The following SHROOM1 variants were observed in gnomAD, a reference collection of about 807,000 sequenced individuals.
SHROOM1 encodes protein Shroom1.
Under a neutral mutation model 64.2 loss-of-function variants are expected in SHROOM1, and 53 were observed. The observed-to-expected ratio is 0.83, with a 90% CI of 0.66 to 1.04. SHROOM1 has a LOEUF of 1.04. Among genes scored for constraint, SHROOM1 ranks in the 50% least tolerant of loss-of-function variants. The pLI, the probability that SHROOM1 is intolerant of heterozygous loss-of-function variation, is 0.00. For missense variants in SHROOM1, 1,179 were observed against 1,163.2 expected (o/e 1.01, Z -0.20); for synonymous variants, 490 against 518.9 (o/e 0.94, Z 0.76).
rs545369291 is a variant in SHROOM1 at position 132,826,470 on chromosome 5, C to A, written c.-236G>T. ...AGGCTCCCCTTGCCCACACAAGCAG[C>A]CTTTACCCTGAGACCTCCTGGAACG... On this transcript the variant is annotated 5_prime_UTR_variant, in exon 3 of 10. Coordinates refer to ENST00000378679, the MANE Select transcript of SHROOM1 (RefSeq NM_001172700.2). The A allele has an allele frequency of 6.2e-6, 2 of 323,992 alleles. No individual in the cohort carries two copies. The highest frequency in any genetic ancestry group is 3.0e-4 in the South Asian group (2 of 6,574). The allele number at this position is 323,992 out of a possible 1,614,324, so 20.1% of individuals were successfully genotyped here. A position where few individuals can be genotyped will look rare whatever the true frequency, so the allele number is the denominator to read the frequency against.
At chr5:132,828,249 T>C (rs1758762372) in intron 1 of SHROOM1, among the ~76,000 whole-genome samples, 2 of 152,096 alleles carry the variant, frequency 1.3e-5, no homozygotes, top group African/African-American at 2.4e-5. Flanking sequence ...GATATGGTGT[T>C]TCCTAAAAGG....
Position 132,823,774 on chromosome 5 carries a change from A to C in SHROOM1, c.1812-10T>G. ...GCTGAACTGATAGGACCTGGGAACA[A>C]AACCAGAGCTCCCTGGGTTTCCTGT... On this transcript the variant is annotated splice_polypyrimidine_tract_variant and intron_variant, in intron 7 of 9. Coordinates refer to ENST00000378679, the MANE Select transcript of SHROOM1 (RefSeq NM_001172700.2). This position sits in a 1 kb window ranked among gnomAD's most constrained non-coding sequence, Gnocchi z 4.6. 6.4e-7 allele frequency: 1 copy of C among 1,551,162 alleles called. No homozygotes were observed. The highest frequency in any genetic ancestry group is 1.4e-5 in the African/African-American group (1 of 72,710).
At chr5:132,824,868 C>T (rs769938291) in intron 5 of SHROOM1, 47 bp from the exon 6 acceptor site, 2 of 1,609,564 alleles carry the variant, frequency 1.2e-6, no homozygotes, top group African/African-American at 1.3e-5. Flanking sequence ...GAAGGAAGCT[C>T]TTGGTGTTGC....
chr5:132,830,308 A>T lies in SHROOM1; in HGVS notation c.-501+286T>A. 1.0e-6 allele frequency: 1 copy of T among 984,774 alleles called. No individual in the cohort carries two copies. Among genetic ancestry groups the T allele is most frequent in the Non-Finnish European group, 1.2e-6 (1 of 829,682 alleles). 61.0% of individuals were successfully genotyped at this position (984,774 alleles called of 1,614,324 possible). Reference sequence around the variant, plus strand: ...AGACCGCGCTGCCCGCCGGCGCCACACGCGGCGCGCCCAGCCGCGCCCCTG... The same window carrying T: ...AGACCGCGCTGCCCGCCGGCGCCACTCGCGGCGCGCCCAGCCGCGCCCCTG... On this transcript the variant is annotated intron_variant, in intron 1 of 9. Coordinates refer to ENST00000378679, the MANE Select transcript of SHROOM1 (RefSeq NM_001172700.2). This position sits in a 1 kb window ranked among gnomAD's most constrained non-coding sequence, Gnocchi z 5.9.
At chr5:132,828,103 G>T (rs1488962847) in intron 1 of SHROOM1, among the ~76,000 whole-genome samples, 2 of 152,076 alleles carry the variant, frequency 1.3e-5, no homozygotes, top group African/African-American at 4.8e-5. Flanking sequence ...CACGGCTAGG[G>T]TGAGGACCAA....
Position 132,824,207 on chromosome 5 carries a change from G to C in SHROOM1, c.1454C>G (p.Thr485Ser). 1 of 1,614,240 alleles carries C rather than the reference G, an allele frequency of 6.2e-7. No individual in the cohort carries two copies. Among genetic ancestry groups the C allele is most frequent in the Non-Finnish European group, 8.5e-7 (1 of 1,180,038 alleles). Reference protein sequence around the residue: ...ANDNIPTIDPTGLTTNPPTAA... With the variant: ...ANDNIPTIDPSGLTTNPPTAA... ...TGTGGGGGGATTGGTGGTCAGTCCA[G>C]TGGGGTCAATAGTTGGGATGTTATC... Residue 485 changes from threonine to serine, a missense_variant, in exon 7 of 10, where the codon ACT becomes AGT. Physicochemically the swap from Thr to Ser is moderately conservative, Grantham distance 58 (BLOSUM62 1). Transcript: ENST00000378679.
chr5:132,829,610 A>T (rs905121403), intron 1 of SHROOM1: 43 of 985,290 alleles, frequency 4.4e-5, no homozygotes, highest in Non-Finnish European at 2.2e-5. Flanking sequence ...ACCTCCCTCA[A>T]GGCCACCTCA....
chr5:132,825,490 C>G lies in SHROOM1; in HGVS notation c.651G>C (p.Gln217His). 6.6e-7 allele frequency: 1 copy of G among 1,518,082 alleles called. No individual in the cohort carries two copies. The highest frequency in any genetic ancestry group is 8.8e-7 in the Non-Finnish European group (1 of 1,138,266). The allele number at this position is 1,518,082 out of a possible 1,614,324, so 94.0% of individuals were successfully genotyped here. A position where few individuals can be genotyped will look rare whatever the true frequency, so the allele number is the denominator to read the frequency against. The change falls in exon 4 of 10, where the codon CAG (glutamine) becomes CAC (histidine). Residue 217 changes from glutamine (Q) to histidine (H), a missense_variant. Coordinates refer to ENST00000378679, the MANE Select transcript of SHROOM1 (RefSeq NM_001172700.2). The surrounding 1 kb of genome is among the most constrained non-coding windows in gnomAD (Gnocchi z 5.1). ...GCTCTGAGAAGCACCACTTCCGCTGCTGGTTGGCGAGGGGACCCCGGCCGG... is the reference window on the plus strand; with the variant it reads ...GCTCTGAGAAGCACCACTTCCGCTGGTGGTTGGCGAGGGGACCCCGGCCGG... Reference protein sequence around the residue: ...GTAGRGPLANQQRKWCFSEPG... With the variant: ...GTAGRGPLANHQRKWCFSEPG...
chr5:132,830,561 C>T lies in SHROOM1; in HGVS notation c.-501+33G>A. The T allele has an allele frequency of 1.0e-6, 1 of 985,440 alleles. No homozygotes were observed. The highest frequency in any genetic ancestry group is 1.2e-6 in the Non-Finnish European group (1 of 829,694). 61.0% of individuals were successfully genotyped at this position (985,440 alleles called of 1,614,324 possible). A position where few individuals can be genotyped will look rare whatever the true frequency, so the allele number is the denominator to read the frequency against. ...CTCCCGGGGGAAGCGGACCCAGCCGCCCGCTTCCCGCTCCCCCGCCCCCGC... is the reference window on the plus strand; with the variant it reads ...CTCCCGGGGGAAGCGGACCCAGCCGTCCGCTTCCCGCTCCCCCGCCCCCGC... On this transcript the variant is annotated intron_variant, in intron 1 of 9. Transcript: ENST00000378679. The surrounding 1 kb of genome is among the most constrained non-coding windows in gnomAD (Gnocchi z 5.9).
At chr5:132,829,175 T>C (rs995962584) in intron 1 of SHROOM1, among the ~76,000 whole-genome samples, 1 of 152,138 alleles carries the variant, frequency 6.6e-6, no homozygotes, top group African/African-American at 2.4e-5. Flanking sequence ...ATTGGAGTCC[T>C]GGGAGGGGGA....
In SHROOM1 at chr5:132,823,675, T is replaced by C. The variant is rs145239249; in HGVS notation, c.1901A>G (p.Gln634Arg). ...TGCAGGGAGCCCCTGCCCACATGGC[T>C]GGTCAAGCACAGGGTGGGTGGCAGG... ...ENPATHPVLD[Q>R]PCGQGLPAPN... The change falls in exon 8 of 10, where the codon CAG (glutamine) becomes CGG (arginine). Residue 634 changes from glutamine (Q) to arginine (R), a missense_variant. Gln to Arg is a conservative substitution (Grantham distance 43). Coordinates refer to ENST00000378679, the MANE Select transcript of SHROOM1 (RefSeq NM_001172700.2). This position sits in a 1 kb window ranked among gnomAD's most constrained non-coding sequence, Gnocchi z 4.6. 1.1e-5 allele frequency: 18 copies of C among 1,611,340 alleles called. No homozygotes were observed. The highest frequency in any genetic ancestry group is 1.6e-4 in the Middle Eastern group (1 of 6,074).
At position 132,823,009 on chromosome 5, in the gene SHROOM1, C is replaced by T; in HGVS notation, c.2346G>A (p.Pro782=). ...AVREVLVRAL[P]VEELRVYCAL... is the part of the protein sequence containing the mutation. Reference sequence around the variant, plus strand: ...CGCAATAGACGCGCAGCTCCTCCACCGGTAGTGCTCGCACCAGCACCTCCC... The same window carrying T: ...CGCAATAGACGCGCAGCTCCTCCACTGGTAGTGCTCGCACCAGCACCTCCC... The change falls in exon 10 of 10, where the codon CCG becomes CCA. Residue 782 remains proline, a synonymous_variant. Transcript: ENST00000378679. The surrounding 1 kb of genome is among the most constrained non-coding windows in gnomAD (Gnocchi z 4.6). 1.2e-6 allele frequency: 2 copies of T among 1,604,076 alleles called. No homozygotes were observed. The highest frequency in any genetic ancestry group is 1.3e-5 in the African/African-American group (1 of 75,040).
At position 132,825,641 on chromosome 5, in the gene SHROOM1, A is replaced by G. The variant is rs867161855; in HGVS notation, c.500T>C (p.Leu167Pro). 2 of 1,346,442 alleles carry G rather than the reference A, an allele frequency of 1.5e-6. No homozygotes were observed. Among genetic ancestry groups the G allele is most frequent in the South Asian group, 1.9e-5 (1 of 52,490 alleles). 83.4% of individuals were successfully genotyped at this position (1,346,442 alleles called of 1,614,324 possible). A position where few individuals can be genotyped will look rare whatever the true frequency, so the allele number is the denominator to read the frequency against. The change falls in exon 4 of 10, where the codon CTG (leucine) becomes CCG (proline). Residue 167 changes from leucine (L) to proline (P), a missense_variant. By Grantham distance (98) the Leu-to-Pro change is moderately conservative. Coordinates refer to ENST00000378679, the MANE Select transcript of SHROOM1 (RefSeq NM_001172700.2). This position sits in a 1 kb window ranked among gnomAD's most constrained non-coding sequence, Gnocchi z 5.1. ...GACAGTGGGCCGCAGACGGGCGGGC[A>G]GGCTCATGCGGAGCTCCTTGCGCTG... The part of the protein sequence containing the change: ...SFQRKELRMS[L>P]PARLRPTVPA...
Position 132,824,009 on chromosome 5 carries a change from C to A in SHROOM1, c.1652G>T (p.Arg551Ile). Residue 551 changes from arginine to isoleucine, a missense_variant, in exon 7 of 10, where the codon AGA (arginine) becomes ATA (isoleucine). Physicochemically the swap from Arg to Ile is moderately conservative, Grantham distance 97. Transcript: ENST00000378679. ...CLEELVQELARLDPSLCDPLA... is the reference protein window; with the variant it reads ...CLEELVQELAILDPSLCDPLA... Reference sequence around the variant, plus strand: ...AGGGTCACATAGAGAGGGATCTAATCTGGCCAGCTCCTGAACCAGCTCCTC... The same window carrying A: ...AGGGTCACATAGAGAGGGATCTAATATGGCCAGCTCCTGAACCAGCTCCTC... 6.2e-7 allele frequency: 1 copy of A among 1,606,550 alleles called. No individual in the cohort carries two copies. Among genetic ancestry groups the A allele is most frequent in the Non-Finnish European group, 8.5e-7 (1 of 1,176,050 alleles).
At chr5:132,826,872 C>G (rs755356214) in intron 2 of SHROOM1, among the ~76,000 whole-genome samples, 1 of 152,228 alleles carries the variant, frequency 6.6e-6, no homozygotes, top group Non-Finnish European at 1.5e-5. Flanking sequence ...CCTGCCTCCA[C>G]GCTCACTGCA....
chr5:132,822,983 G>A lies in SHROOM1; in HGVS notation c.2372C>T (p.Ala791Val), dbSNP rs991900043. ...GACGGCGGCCTTGCCCGCCAGCAGG[G>A]CGCAATAGACGCGCAGCTCCTCCAC... The part of the protein sequence containing the change: ...LPVEELRVYC[A>V]LLAGKAAVLA... The change falls in exon 10 of 10, where the codon GCC becomes GTC. Residue 791 changes from alanine (A) to valine (V), a missense_variant. Physicochemically the swap from Ala to Val is moderately conservative, Grantham distance 64. Transcript: ENST00000378679. The A allele has an allele frequency of 2.5e-6, 4 of 1,608,572 alleles. No homozygotes were observed. The highest frequency in any genetic ancestry group is 2.7e-5 in the African/African-American group (2 of 74,934).
chr5:132,824,512 G>A, intron 6 of SHROOM1, 93 bp from the exon 7 acceptor site: 1 of 1,519,658 alleles, frequency 6.6e-7, no homozygotes, highest in South Asian at 1.3e-5. Context: ...CCATCACCTG[G>A]AATCCCAGGC....
At chr5:132,827,178 G>C (rs1209930626) in intron 2 of SHROOM1, among the ~76,000 whole-genome samples, 1 of 152,182 alleles carries the variant, frequency 6.6e-6, no homozygotes, top group African/African-American at 2.4e-5. Context: ...AGTGTGCTGA[G>C]CTGACCCCCA....
intron 2 of SHROOM1, among the ~76,000 whole-genome samples, chr5:132,827,200 C>G (rs1401563959): frequency 6.6e-6 from 1 of 152,218 alleles, no homozygotes; most frequent in Non-Finnish European, 1.5e-5. Flanking sequence ...CCCACACTGT[C>G]CCTGTTGGCT....
Sources: gnomAD v4.1 joint callset for allele counts (sites outside exome capture counted in the v4.1 genomes callset) on GRCh38, gnomAD v4.1.1 for gene constraint, Gnocchi (gnomAD v3.1) non-coding constraint, MANE v1.5 for transcripts, NCBI Gene and HGNC (gene_info 2026-07-23, HGNC 2026-07-21) for gene names.